Variants in TEX9 observed in about 807,000 individuals in gnomAD.
The protein encoded by TEX9 is testis expressed 9.
TEX9 carries 74 observed loss-of-function variants against 59.6 expected under a neutral mutation model. The observed-to-expected ratio is 1.24, with a 90% CI of 1.03 to 1.51. The LOEUF (loss-of-function observed/expected upper bound fraction) is 1.51. Among genes scored for constraint, TEX9 ranks in the 40% most tolerant of loss-of-function variants. The pLI is 0.00. For missense variants in TEX9, 522 were observed against 447.8 expected (o/e 1.17, Z -1.49); for synonymous variants, 186 against 152.2 (o/e 1.22, Z -1.64).
At chr15:56,419,828 AGTTTTTGTAGGGTTGG>A (rs2049882580) in intron 10 of TEX9, among the ~76,000 whole-genome samples, 8 of 151,836 alleles carry the variant, frequency 5.3e-5, no homozygotes, top group Admixed American at 5.2e-4. Context: ...CTTTCAGATA[AGTTTTTGTAGGGTTGG>A]TATTATTTTT....
intron 12 of TEX9, chr15:56,429,906 C>T (rs2050526225): frequency 6.6e-6 from 1 of 152,020 alleles, no homozygotes; most frequent in Admixed American, 6.6e-5. Context: ...ATATCAAATC[C>T]CAAAGAAAGA....
chr15:56,299,281 A>T (rs754169537), intron 1 of TEX9, among the ~76,000 whole-genome samples: 7 of 152,224 alleles, frequency 4.6e-5, no homozygotes, highest in Non-Finnish European at 8.8e-5. Context: ...CTGCCCTGTC[A>T]CAGAAGAAGC....
intron 7 of TEX9, among the ~76,000 whole-genome samples, chr15:56,392,983 A>G (rs2048289454): frequency 6.6e-6 from 1 of 152,162 alleles, no homozygotes; most frequent in Non-Finnish European, 1.5e-5. Flanking sequence ...GGAGAAAAAG[A>G]CCAAGAGGTA....
chr15:56,277,237 A>G (rs2044692477), intron 1 of TEX9, among the ~76,000 whole-genome samples: 1 of 152,038 alleles, frequency 6.6e-6, no homozygotes, highest in Non-Finnish European at 1.5e-5. Context: ...TTTAGTCATG[A>G]AGTCTTTGTC....
At chr15:56,253,878 G>A (rs2044086271) in intron 1 of TEX9, among the ~76,000 whole-genome samples, 1 of 152,076 alleles carries the variant, frequency 6.6e-6, no homozygotes. Context: ...TTAAAGGCAA[G>A]TGACTTGAGA....
At chr15:56,393,824 G>C (rs2094341647) in intron 7 of TEX9, 1 of 176,136 alleles carries the variant, frequency 5.7e-6, no homozygotes, top group African/African-American at 2.4e-5. Flanking sequence ...GCTGAGTTTT[G>C]CTAGAGAAGA....
chr15:56,272,055 A>G (rs1596057023), intron 1 of TEX9, among the ~76,000 whole-genome samples: 1 of 152,068 alleles, frequency 6.6e-6, no homozygotes, highest in Admixed American at 6.5e-5. Flanking sequence ...GAGGCAGGGG[A>G]ATGGCCGGAA....
At chr15:56,288,180 C>T (rs1192589450) in intron 1 of TEX9, among the ~76,000 whole-genome samples, 2 of 152,178 alleles carry the variant, frequency 1.3e-5, no homozygotes, top group Admixed American at 6.5e-5. Flanking sequence ...CACATTCTTG[C>T]CCACACTTAT....
At chr15:56,309,170 T>C (rs551412446) in intron 1 of TEX9, among the ~76,000 whole-genome samples, 2 of 152,322 alleles carry the variant, frequency 1.3e-5, no homozygotes, top group South Asian at 2.1e-4. Flanking sequence ...GGACGTTCAT[T>C]ATCAAGTATG....
At chr15:56,359,606 C>A (rs1424909482) in intron 1 of TEX9, among the ~76,000 whole-genome samples, 1 of 152,000 alleles carries the variant, frequency 6.6e-6, no homozygotes, top group African/African-American at 2.4e-5. Context: ...TTGTTTTTAT[C>A]ATTTTATTAG....
chr15:56,262,348 T>C (rs2044287516), intron 1 of TEX9, among the ~76,000 whole-genome samples: 1 of 152,216 alleles, frequency 6.6e-6, no homozygotes, highest in Non-Finnish European at 1.5e-5. Flanking sequence ...TCATTTTCAT[T>C]ATCTTGAGTA....
chr15:56,308,137 G>C (rs759582944), intron 1 of TEX9, among the ~76,000 whole-genome samples: 9 of 152,124 alleles, frequency 5.9e-5, no homozygotes, highest in Non-Finnish European at 1.3e-4. Context: ...TTTAACTTTT[G>C]AGGAACTGCC....
intron 12 of TEX9, among the ~76,000 whole-genome samples, chr15:56,438,794 G>GA (rs1422200929): frequency 6.6e-5 from 10 of 151,998 alleles, no homozygotes; most frequent in Admixed American, 1.3e-4. Context: ...AAATTTACAA[G>GA]AAAAAATCAA....
chr15:56,251,474 C>G (rs1170347044), intron 1 of TEX9, among the ~76,000 whole-genome samples: 2 of 152,080 alleles, frequency 1.3e-5, no homozygotes, highest in African/African-American at 4.8e-5. Context: ...CTCAATAAAA[C>G]CTTTGCCCAA....
At chr15:56,319,219 A>G (rs2045848554) in intron 1 of TEX9, among the ~76,000 whole-genome samples, 1 of 151,912 alleles carries the variant, frequency 6.6e-6, no homozygotes, top group Non-Finnish European at 1.5e-5. Context: ...ACAATAAACC[A>G]TTTCAAAACG....
At chr15:56,402,486 CAAT>C (rs1389830951) in intron 9 of TEX9, among the ~76,000 whole-genome samples, 1 of 152,074 alleles carries the variant, frequency 6.6e-6, no homozygotes, top group Non-Finnish European at 1.5e-5. Flanking sequence ...GAAATTGAGG[CAAT>C]AATTAATAGC....
At chr15:56,292,855 C>T (rs934549926) in intron 1 of TEX9, among the ~76,000 whole-genome samples, 9 of 152,170 alleles carry the variant, frequency 5.9e-5, no homozygotes, top group African/African-American at 2.2e-4. Flanking sequence ...ATGCCAAGAT[C>T]TTCCTGTGGG....
At chr15:56,405,051 A>G (rs2049006768) in intron 9 of TEX9, among the ~76,000 whole-genome samples, 1 of 152,204 alleles carries the variant, frequency 6.6e-6, no homozygotes, top group Admixed American at 6.5e-5. Context: ...TGATGGGTGC[A>G]GCAAATCAAC....
chr15:56,289,163 C>T (rs369027374), intron 1 of TEX9, among the ~76,000 whole-genome samples: 15 of 152,012 alleles, frequency 9.9e-5, no homozygotes, highest in Admixed American at 5.2e-4. Flanking sequence ...TGTATTTTCT[C>T]GAGGTTTTCT....
Sources: allele counts gnomAD v4.1 joint callset (sites outside exome capture counted in the v4.1 genomes callset), GRCh38; gene constraint gnomAD v4.1.1; transcripts MANE v1.5; gene names NCBI Gene and HGNC (gene_info 2026-07-23, HGNC 2026-07-21).